KIRREL3: variants seen among roughly 807,000 people sequenced by gnomAD.
The protein encoded by KIRREL3 is kirre like nephrin family adhesion molecule 3, also known as kin of IRRE-like protein 3.
In KIRREL3, 36 loss-of-function variants were observed where a neutral mutation model predicts 89.7. The ratio of observed to expected loss-of-function variants is 0.40; its 90% CI spans 0.31 to 0.53. The LOEUF (loss-of-function observed/expected upper bound fraction) is 0.53, where lower values mean the gene tolerates loss of function less well. Among genes scored for constraint, KIRREL3 ranks in the 20% least tolerant of loss-of-function variants. KIRREL3 has a pLI of 0.49. For missense variants in KIRREL3, 864 were observed against 1,056.6 expected (o/e 0.82, Z 2.53); for synonymous variants, 445 against 441.4 (o/e 1.01, Z -0.10).
intron 1 of KIRREL3, among the ~76,000 whole-genome samples, chr11:126,881,694 C>T (rs1025939389): frequency 6.6e-6 from 1 of 152,050 alleles, no homozygotes; most frequent in African/African-American, 2.4e-5. Context: ...ATTACAGGTA[C>T]CCACCACCAT....
At chr11:126,436,718 C>T (rs1398480101) in intron 12 of KIRREL3, 93 bp downstream of exon 12, 1 of 1,382,596 alleles carries the variant, frequency 7.2e-7, no homozygotes, top group African/African-American at 1.4e-5. Flanking sequence ...GGGCCCTGGC[C>T]CACCTTGCAG....
At chr11:126,631,120 TATGTATTCATTCATTC>T (rs1299478980) in intron 1 of KIRREL3, among the ~76,000 whole-genome samples, 79 of 139,672 alleles carry the variant, frequency 5.7e-4, no homozygotes, top group African/African-American at 9.8e-4. Context: ...AGTCTGTATG[TATGTATTCATTCATTC>T]ATTCATTCAT....
chr11:126,991,175 G>A lies in KIRREL3; in HGVS notation c.55+9280C>T, dbSNP rs1950024132. The stretch of plus-strand genomic sequence containing the variant: ...TTGGCGTTGTCTCTGGTGACCCAAA[G>A]GGCATTCAAAGCCTTCCAGAAAGGA... On this transcript the variant is annotated intron_variant, in intron 1 of 16. Transcript: ENST00000525144. This position sits in a 1 kb window ranked among gnomAD's most constrained non-coding sequence, Gnocchi z 5.8. 6.6e-6 allele frequency among the ~76,000 whole-genome samples: 1 copy of A among 152,168 alleles called. No homozygotes were observed. The highest frequency in any genetic ancestry group is 1.5e-5 in the Non-Finnish European group (1 of 68,030).
At position 126,964,593 on chromosome 11, in the gene KIRREL3, C is replaced by A. The variant is rs1408306674; in HGVS notation, c.55+35862G>T. 2.0e-5 allele frequency among the ~76,000 whole-genome samples: 3 copies of A among 152,128 alleles called. No homozygotes were observed. In the East Asian group the frequency reaches 5.8e-4, roughly 29 times the overall value. On this transcript the variant is annotated intron_variant, in intron 1 of 16. Coordinates refer to ENST00000525144, the MANE Select transcript of KIRREL3 (RefSeq NM_032531.4). ...TTCTGCACAAATGCCCAGGGGTACA[C>A]CCAGCAACCTCACCCCCTGAGGGCC...
Position 126,564,209 on chromosome 11 carries a change from T to C in KIRREL3, c.56-1297A>G, listed in dbSNP as rs919965367. On this transcript the variant is annotated intron_variant, in intron 1 of 16. Coordinates refer to ENST00000525144, the MANE Select transcript of KIRREL3 (RefSeq NM_032531.4). This position sits in a 1 kb window ranked among gnomAD's most constrained non-coding sequence, Gnocchi z 7.4. Reference sequence around the variant, plus strand: ...ACCTTCTCCCACGACACCGACTGCCTCCCTGAACCCAGCCAGTCAGTGTCT... The same window carrying C: ...ACCTTCTCCCACGACACCGACTGCCCCCCTGAACCCAGCCAGTCAGTGTCT... 1.3e-5 allele frequency among the ~76,000 whole-genome samples: 2 copies of C among 152,156 alleles called. No homozygotes were observed. The highest frequency in any genetic ancestry group is 2.4e-5 in the African/African-American group (1 of 41,432).
intron 1 of KIRREL3, among the ~76,000 whole-genome samples, chr11:126,632,314 G>GT (rs1393082554): frequency 1.3e-4 from 20 of 152,350 alleles, no homozygotes; most frequent in Non-Finnish European, 2.6e-4. Flanking sequence ...TCCCTGGGGT[G>GT]AGAAATTTGT....
chr11:126,677,762 C>T lies in KIRREL3; in HGVS notation c.56-114850G>A, dbSNP rs977998192. On this transcript the variant is annotated intron_variant, in intron 1 of 16. Transcript: ENST00000525144. The surrounding 1 kb of genome is among the most constrained non-coding windows in gnomAD (Gnocchi z 5.1). ...AGCAGGACAGAGCTAATTCCAGGAA[C>T]AACTGCACATTTGTCCACTGGTTGG... Among the ~76,000 whole-genome samples the T allele has an allele frequency of 6.6e-6, 1 of 152,186 alleles. No homozygotes were observed. The highest frequency in any genetic ancestry group is 1.5e-5 in the Non-Finnish European group (1 of 68,032).
rs536126695 is a variant in KIRREL3 at position 127,000,444 on chromosome 11, A to C, written c.55+11T>G. ...GACTTTCTTCCAACTCCAGCAGCGC[A>C]GGGGTCCTACCTTGACTGAAGAGGA... On this transcript the variant is annotated intron_variant, in intron 1 of 16. Transcript: ENST00000525144. The surrounding 1 kb of genome is among the most constrained non-coding windows in gnomAD (Gnocchi z 7.1). 5.6e-6 allele frequency: 9 copies of C among 1,598,788 alleles called. No homozygotes were observed. The East Asian group carries it at 1.1e-4, about 20-fold the overall frequency.
rs1485545940 is a variant in KIRREL3 at position 126,768,209 on chromosome 11, CCATCCATCCATCCATT to C, written c.56-205313_56-205298del. On this transcript the variant is annotated intron_variant, in intron 1 of 16. Coordinates refer to ENST00000525144, the MANE Select transcript of KIRREL3 (RefSeq NM_032531.4). This position sits in a 1 kb window ranked among gnomAD's most constrained non-coding sequence, Gnocchi z 4.5. Reference sequence around the variant, plus strand: ...TCCATCCATCCATCCATCCATCCATCCATCCATCCATCCATTCAATCTGTCCATCTGTCCATCCATA... The same window carrying C: ...TCCATCCATCCATCCATCCATCCATCCAATCTGTCCATCTGTCCATCCATA... Among the ~76,000 whole-genome samples the C allele has an allele frequency of 7.7e-4, 116 of 151,414 alleles. No homozygotes were observed. Among genetic ancestry groups the C allele is most frequent in the African/African-American group, 2.5e-3 (105 of 41,178 alleles).
chr11:126,657,884 A>T (rs1468410194), intron 1 of KIRREL3, among the ~76,000 whole-genome samples: 5 of 152,160 alleles, frequency 3.3e-5, no homozygotes, highest in Non-Finnish European at 7.4e-5. Flanking sequence ...ACCGGAAGAG[A>T]CAAGAAGGTA....
At chr11:126,589,108 C>T (rs1238700188) in intron 1 of KIRREL3, among the ~76,000 whole-genome samples, 1 of 152,234 alleles carries the variant, frequency 6.6e-6, no homozygotes, top group Non-Finnish European at 1.5e-5. Flanking sequence ...CCAATCAGAG[C>T]AATTACTGCT....
At position 126,996,595 on chromosome 11, in the gene KIRREL3, C is replaced by A. The variant is rs1354942195; in HGVS notation, c.55+3860G>T. Among the ~76,000 whole-genome samples the A allele has an allele frequency of 6.6e-6, 1 of 152,108 alleles. No individual in the cohort carries two copies. The highest frequency in any genetic ancestry group is 1.5e-5 in the Non-Finnish European group (1 of 68,034). Reference sequence around the variant, plus strand: ...GCTCCCTCTGTTCACTCTATTTTACCCTTCTGTCTACGAGATGCCTTTCTA... The same window carrying A: ...GCTCCCTCTGTTCACTCTATTTTACACTTCTGTCTACGAGATGCCTTTCTA... On this transcript the variant is annotated intron_variant, in intron 1 of 16. Coordinates refer to ENST00000525144, the MANE Select transcript of KIRREL3 (RefSeq NM_032531.4). This position sits in a 1 kb window ranked among gnomAD's most constrained non-coding sequence, Gnocchi z 4.7.
Position 126,773,426 on chromosome 11 carries a change from G to A in KIRREL3, c.56-210514C>T, listed in dbSNP as rs1249008658. On this transcript the variant is annotated intron_variant, in intron 1 of 16. Transcript: ENST00000525144. This position sits in a 1 kb window ranked among gnomAD's most constrained non-coding sequence, Gnocchi z 4.2. ...GGACTCCTTCCTGGGTCTCAGGTCT[G>A]ACAGCCAACCCTGCAGATTTTGGAC... Among the ~76,000 whole-genome samples the A allele has an allele frequency of 6.6e-6, 1 of 152,212 alleles. No homozygotes were observed. The highest frequency in any genetic ancestry group is 1.5e-5 in the Non-Finnish European group (1 of 68,040).
chr11:126,756,497 G>A (rs927450782), intron 1 of KIRREL3, among the ~76,000 whole-genome samples: 2 of 152,246 alleles, frequency 1.3e-5, no homozygotes, highest in African/African-American at 4.8e-5. Context: ...ATGTCTTCTG[G>A]ATGATCAGGC....
intron 1 of KIRREL3, among the ~76,000 whole-genome samples, chr11:126,692,024 T>C (rs1946895009): frequency 6.6e-6 from 1 of 152,258 alleles, no homozygotes; most frequent in South Asian, 2.1e-4. Context: ...ATATAGCAAA[T>C]GTCGGTAAGA....
At chr11:126,921,874 T>C (rs571625389) in intron 1 of KIRREL3, among the ~76,000 whole-genome samples, 3 of 151,722 alleles carry the variant, frequency 2.0e-5, no homozygotes, top group East Asian at 3.9e-4. Context: ...ATCCTATCTA[T>C]CTATCTATCA....
chr11:126,893,588 C>T (rs1382397293), intron 1 of KIRREL3, among the ~76,000 whole-genome samples: 1 of 152,212 alleles, frequency 6.6e-6, no homozygotes, highest in Non-Finnish European at 1.5e-5. Context: ...ACTGTGGAAT[C>T]AGCGCTGTGG....
chr11:126,815,476 T>G (rs922977828), intron 1 of KIRREL3, among the ~76,000 whole-genome samples: 1 of 152,220 alleles, frequency 6.6e-6, no homozygotes, highest in Non-Finnish European at 1.5e-5. Context: ...GGACAAATTT[T>G]GAAAGCACAC....
chr11:126,451,334 G>A (rs1317296220), intron 7 of KIRREL3, among the ~76,000 whole-genome samples: 1 of 130,042 alleles, frequency 7.7e-6, no homozygotes, highest in Non-Finnish European at 1.7e-5. Context: ...GCATTAGTGA[G>A]TGTGTGCATG....
Sources: gnomAD v4.1 joint callset for allele counts (sites outside exome capture counted in the v4.1 genomes callset) on GRCh38, gnomAD v4.1.1 for gene constraint, Gnocchi (gnomAD v3.1) non-coding constraint, MANE v1.5 for transcripts, NCBI Gene and HGNC (gene_info 2026-07-23, HGNC 2026-07-21) for gene names.